The following RAB31 variants were observed in gnomAD, a reference collection of about 807,000 sequenced individuals.
RAB31 encodes the protein RAB31, member RAS oncogene family, also known as ras-related protein Rab-31.
In RAB31, 21 loss-of-function variants were observed where a neutral mutation model predicts 25.6. That is an observed-to-expected ratio of 0.82 (90% confidence interval 0.58 to 1.18). RAB31 has a LOEUF of 1.18. Ranked by LOEUF, RAB31 falls within the 50% of genes most tolerant of loss-of-function variation. RAB31 has a pLI of 0.00. For missense variants in RAB31, 196 were observed against 250.1 expected, an observed-to-expected ratio of 0.78 and a Z score of 1.46; for synonymous variants, 87 against 84.0, an observed-to-expected ratio of 1.04 and a Z score of -0.20.
At chr18:9,728,603 T>C (rs1442298060) in intron 1 of RAB31, among the ~76,000 whole-genome samples, 1 of 152,202 alleles carries the variant, frequency 6.6e-6, no homozygotes, top group Admixed American at 6.5e-5. Context: ...AGTGGTACAA[T>C]CTTGGCTCAC....
intron 1 of RAB31, among the ~76,000 whole-genome samples, chr18:9,719,360 G>A: frequency 1.6e-5 from 2 of 124,184 alleles, no homozygotes; most frequent in African/African-American, 3.1e-5. Context: ...TTATGAGGGA[G>A]GGGAAATGAT....
chr18:9,841,407 C>T (rs1329314656), intron 5 of RAB31, among the ~76,000 whole-genome samples: 1 of 151,786 alleles, frequency 6.6e-6, no homozygotes, highest in Non-Finnish European at 1.5e-5. Context: ...AGCGTGGTGG[C>T]AGGCGCCTGT....
rs1431183010 is a variant in RAB31 at position 9,712,329 on chromosome 18, A to G, written c.39+3885A>G. ...TATTCCACATGGGGACAGCCCAGCA[A>G]GCCTTTGTGAACGCCCTTTCCTGGC... On this transcript the variant is annotated intron_variant, in intron 1 of 6. Coordinates refer to ENST00000578921, the MANE Select transcript of RAB31 (RefSeq NM_006868.4). Among the ~76,000 whole-genome samples the G allele has an allele frequency of 2.6e-5, 4 of 152,346 alleles. No individual in the cohort carries two copies. The East Asian group carries it at 5.8e-4, about 22-fold the overall frequency.
chr18:9,754,228 T>G (rs2068249505), intron 1 of RAB31, among the ~76,000 whole-genome samples: 1 of 152,200 alleles, frequency 6.6e-6, no homozygotes, highest in Non-Finnish European at 1.5e-5. Flanking sequence ...CTTAACAACT[T>G]TGGATTTCAA....
intron 3 of RAB31, among the ~76,000 whole-genome samples, chr18:9,805,927 C>G (rs889155307): frequency 1.3e-5 from 2 of 152,084 alleles, no homozygotes; most frequent in Non-Finnish European, 2.9e-5. Flanking sequence ...GTAATCCCAG[C>G]ACTTTGGGAG....
chr18:9,818,794 C>T (rs1468142018), intron 5 of RAB31, among the ~76,000 whole-genome samples: 5 of 152,190 alleles, frequency 3.3e-5, no homozygotes, highest in African/African-American at 1.2e-4. Flanking sequence ...TATCCACATC[C>T]TCACCAACAT....
At chr18:9,783,175 C>T (rs1003864967) in intron 2 of RAB31, among the ~76,000 whole-genome samples, 3 of 152,166 alleles carry the variant, frequency 2.0e-5, no homozygotes, top group Non-Finnish European at 4.4e-5. Context: ...CGCAGGTATC[C>T]ATTTCCCTAT....
intron 3 of RAB31, among the ~76,000 whole-genome samples, chr18:9,806,709 G>A (rs1400815797): frequency 2.6e-5 from 4 of 152,194 alleles, no homozygotes; most frequent in Admixed American, 1.3e-4. Flanking sequence ...TCACTCTGAT[G>A]TTCAGTTAAC....
intron 1 of RAB31, among the ~76,000 whole-genome samples, chr18:9,767,377 T>C (rs545273241): frequency 2.0e-5 from 3 of 152,246 alleles, no homozygotes; most frequent in African/African-American, 4.8e-5. Context: ...TATAATGTTA[T>C]CAGCAATGTA....
At chr18:9,747,665 A>C (rs920277722) in intron 1 of RAB31, among the ~76,000 whole-genome samples, 1 of 152,220 alleles carries the variant, frequency 6.6e-6, no homozygotes, top group Non-Finnish European at 1.5e-5. Context: ...AAGTCAGTAC[A>C]TGGAGATTAA....
At chr18:9,739,384 A>G (rs1325528817) in intron 1 of RAB31, among the ~76,000 whole-genome samples, 2 of 152,198 alleles carry the variant, frequency 1.3e-5, no homozygotes, top group African/African-American at 4.8e-5. Context: ...AGGCAGGAGA[A>G]TGGCGTGAAC....
At chr18:9,840,067 A>G (rs926033978) in intron 5 of RAB31, among the ~76,000 whole-genome samples, 1 of 152,192 alleles carries the variant, frequency 6.6e-6, no homozygotes, top group African/African-American at 2.4e-5. Flanking sequence ...TGCTTCAGAC[A>G]GTCAGAGAAG....
intron 1 of RAB31, among the ~76,000 whole-genome samples, chr18:9,761,415 C>T (rs2068288084): frequency 6.6e-6 from 1 of 152,192 alleles, no homozygotes; most frequent in Non-Finnish European, 1.5e-5. Context: ...TTACTAAATG[C>T]CCTCCATTAT....
At chr18:9,842,505 A>G (rs2068739606) in intron 5 of RAB31, among the ~76,000 whole-genome samples, 1 of 152,154 alleles carries the variant, frequency 6.6e-6, no homozygotes, top group South Asian at 2.1e-4. Flanking sequence ...TTATTATGCC[A>G]CAGTAATGGG....
At chr18:9,814,831 G>A (rs1313814702) in intron 4 of RAB31, 1 of 249,898 alleles carries the variant, frequency 4.0e-6, no homozygotes, top group African/African-American at 2.3e-5. Flanking sequence ...TTATTCATGT[G>A]GAGTCCAGGC....
chr18:9,729,663 C>CT (rs2068112718), intron 1 of RAB31, among the ~76,000 whole-genome samples: 1 of 152,018 alleles, frequency 6.6e-6, no homozygotes, highest in South Asian at 2.1e-4. Context: ...CCCCACCCCC[C>CT]TCTAAATGCC....
chr18:9,833,057 C>T (rs755742303), intron 5 of RAB31, among the ~76,000 whole-genome samples: 1 of 152,150 alleles, frequency 6.6e-6, no homozygotes, highest in Non-Finnish European at 1.5e-5. Context: ...TGCACGAAAA[C>T]GTGAACCGCC....
intron 5 of RAB31, among the ~76,000 whole-genome samples, chr18:9,837,060 G>A (rs186653174): frequency 6.6e-6 from 1 of 151,768 alleles, no homozygotes; most frequent in Non-Finnish European, 1.5e-5. Context: ...GTGAAGAACG[G>A]GGTGAGACAC....
chr18:9,823,864 G>C (rs2068635868), intron 5 of RAB31, among the ~76,000 whole-genome samples: 1 of 152,142 alleles, frequency 6.6e-6, no homozygotes, highest in Non-Finnish European at 1.5e-5. Flanking sequence ...TGCTGCCTGG[G>C]TCTCTGCCCA....
Sources: allele counts gnomAD v4.1 joint callset (sites outside exome capture counted in the v4.1 genomes callset), GRCh38; gene constraint gnomAD v4.1.1; transcripts MANE v1.5; gene names NCBI Gene and HGNC (gene_info 2026-07-23, HGNC 2026-07-21).